MTUS1: variants seen among roughly 807,000 people sequenced by gnomAD.
MTUS1 encodes the protein microtubule associated scaffold protein 1, also known as microtubule-associated tumor suppressor 1.
Under a neutral mutation model 120.8 loss-of-function variants are expected in MTUS1, and 109 were observed. The ratio of observed to expected loss-of-function variants is 0.90; its 90% CI spans 0.77 to 1.06. The LOEUF (loss-of-function observed/expected upper bound fraction) is 1.06. Ranked by LOEUF, MTUS1 falls within the 50% of genes least tolerant of loss-of-function variation. The probability of loss-of-function intolerance (pLI) is 0.00; values close to 1 mark genes in which losing one functional copy is unlikely to be tolerated. For missense variants in MTUS1, 2,210 were observed against 1,486.3 expected, an observed-to-expected ratio of 1.49 and a Z score of -8.01; for synonymous variants, 737 against 550.5, an observed-to-expected ratio of 1.34 and a Z score of -4.74.
intron 3 of MTUS1, among the ~76,000 whole-genome samples, chr8:17,727,394 G>C (rs442342): frequency 6.6e-6 from 1 of 152,164 alleles, no homozygotes; most frequent in Non-Finnish European, 1.5e-5. Flanking sequence ...CCACAGAATA[G>C]AAACATCTCA....
chr8:17,662,529 G>C lies in MTUS1; in HGVS notation c.2906-6464C>G, dbSNP rs1809981420. Among the ~76,000 whole-genome samples the C allele has an allele frequency of 1.3e-5, 2 of 151,508 alleles. 1 individual carries two copies. Among genetic ancestry groups the C allele is most frequent in the Admixed American group, 1.3e-4 (2 of 15,196 alleles). ...CACCACCACACTTGGCTAATTTTTT[G>C]TTTTTTAGTAGAGATGGGGTTTCAC... is the stretch of plus-strand genomic sequence containing the variant. On this transcript the variant is annotated intron_variant, in intron 8 of 14. Coordinates refer to ENST00000693296, the MANE Select transcript of MTUS1 (RefSeq NM_001363059.2).
chr8:17,721,265 T>G (rs2045821564), intron 4 of MTUS1, among the ~76,000 whole-genome samples: 1 of 152,358 alleles, frequency 6.6e-6, no homozygotes, highest in East Asian at 1.9e-4. Flanking sequence ...GATGATTTTT[T>G]CATGTTTTGA....
At chr8:17,738,879 C>T (rs1045729992) in intron 3 of MTUS1, among the ~76,000 whole-genome samples, 4 of 151,842 alleles carry the variant, frequency 2.6e-5, no homozygotes, top group Non-Finnish European at 4.4e-5. Flanking sequence ...TGGTTCATGC[C>T]TGTCATCTCG....
chr8:17,644,254 T>A lies in MTUS1; in HGVS notation c.*1672A>T, dbSNP rs1805384359. On this transcript the variant is annotated 3_prime_UTR_variant, in exon 15 of 15. Coordinates refer to ENST00000693296, the MANE Select transcript of MTUS1 (RefSeq NM_001363059.2). ...GATGAAGTATTGGAAGTTAAAGACT[T>A]AAGACACAAAATCACTAATTTAAAA... 6.6e-6 allele frequency: 1 copy of A among 152,606 alleles called. No homozygotes were observed. The highest frequency in any genetic ancestry group is 1.5e-5 in the Non-Finnish European group (1 of 68,032). 9.5% of individuals were successfully genotyped at this position (152,606 alleles called of 1,614,324 possible).
chr8:17,660,720 G>T (rs541400815), intron 8 of MTUS1, among the ~76,000 whole-genome samples: 9 of 152,208 alleles, frequency 5.9e-5, no homozygotes, highest in African/African-American at 2.2e-4. Context: ...TCAAATATAT[G>T]TAACAGCCAT....
intron 2 of MTUS1, among the ~76,000 whole-genome samples, chr8:17,747,488 A>C (rs1383123846): frequency 2.0e-5 from 3 of 152,198 alleles, no homozygotes; most frequent in African/African-American, 7.2e-5. Context: ...GAGAAATTCT[A>C]GGCAGACGGG....
chr8:17,675,393 T>A (rs765383602), intron 7 of MTUS1, 141 bp from the exon 8 acceptor site: 9 of 641,748 alleles, frequency 1.4e-5, no homozygotes, highest in Admixed American at 3.1e-5. Context: ...TTTGTGTTGT[T>A]AAAAGAAACA....
chr8:17,779,184 T>C (rs73569238), intron 1 of MTUS1, among the ~76,000 whole-genome samples: 102 of 152,320 alleles, frequency 6.7e-4, no homozygotes, highest in African/African-American at 2.3e-3. Context: ...ATTACAGCAG[T>C]AGTTAACAGC....
intron 1 of MTUS1, among the ~76,000 whole-genome samples, chr8:17,764,991 G>C (rs573115553): frequency 2.8e-4 from 43 of 152,262 alleles, no homozygotes; most frequent in Admixed American, 7.2e-4. Flanking sequence ...TCATAACGTA[G>C]AATCAGTGGG....
At chr8:17,723,033 C>T (rs2045950346) in intron 4 of MTUS1, among the ~76,000 whole-genome samples, 1 of 152,200 alleles carries the variant, frequency 6.6e-6, no homozygotes, top group African/African-American at 2.4e-5. Context: ...TCCTGTGCTC[C>T]TCACTGCGCC....
intron 7 of MTUS1, chr8:17,681,758 G>A (rs145151242): frequency 6.5e-6 from 1 of 154,856 alleles, no homozygotes; most frequent in African/African-American, 2.4e-5. Context: ...AAATGATAAA[G>A]AGCCTTATAG....
chr8:17,753,267 C>T (rs951791328), intron 2 of MTUS1, among the ~76,000 whole-genome samples: 1 of 152,158 alleles, frequency 6.6e-6, no homozygotes, highest in African/African-American at 2.4e-5. Context: ...CTTCCCAGAG[C>T]TGCCTCCTCC....
chr8:17,684,663 G>A (rs1396546134), intron 6 of MTUS1, 121 bp from the exon 7 acceptor site: 2 of 762,890 alleles, frequency 2.6e-6, no homozygotes, highest in East Asian at 4.9e-5. Context: ...GTTGCTGTAA[G>A]GAATGCATAT....
At chr8:17,723,339 GC>G in intron 4 of MTUS1, 1 of 334,362 alleles carries the variant, frequency 3.0e-6, no homozygotes. Context: ...ATAGTCTTTT[GC>G]AAAGTAAATG....
At chr8:17,764,402 CAA>C (rs11400332) in intron 1 of MTUS1, among the ~76,000 whole-genome samples, 2,143 of 138,294 alleles carry the variant, frequency 0.015, 59 homozygotes, top group African/African-American at 0.054. Context: ...AAGAAAACTG[CAA>C]AAAAAAAAAA....
At chr8:17,721,660 T>TA in intron 4 of MTUS1, 1 of 1,512,134 alleles carries the variant, frequency 6.6e-7, no homozygotes, top group Non-Finnish European at 8.8e-7. Context: ...ATTTATTGAA[T>TA]AAAAATTTAA....
rs1805544840 is a variant in MTUS1 at position 17,645,218 on chromosome 8, C to T, written c.*708G>A. The stretch of plus-strand genomic sequence containing the variant: ...GACATGGCTGAACACTGAAAAACTG[C>T]CAAGAAGTTACCCCCAAAAGATACA... On this transcript the variant is annotated 3_prime_UTR_variant, in exon 15 of 15. Coordinates refer to ENST00000693296, the MANE Select transcript of MTUS1 (RefSeq NM_001363059.2). 6.6e-6 allele frequency: 1 copy of T among 152,398 alleles called. No individual in the cohort carries two copies. Among genetic ancestry groups the T allele is most frequent in the Non-Finnish European group, 1.5e-5 (1 of 67,998 alleles). 9.4% of individuals were successfully genotyped at this position (152,398 alleles called of 1,614,324 possible).
chr8:17,724,122 G>A (rs2046040098), intron 3 of MTUS1: 1 of 523,982 alleles, frequency 1.9e-6, no homozygotes, highest in Non-Finnish European at 3.6e-6. Flanking sequence ...TGAAGGAGAT[G>A]ATCAATCAGA....
At chr8:17,681,430 A>G (rs1440446906) in intron 7 of MTUS1, 1 of 152,768 alleles carries the variant, frequency 6.5e-6, no homozygotes, top group African/African-American at 2.4e-5. Context: ...TCCTAGACCT[A>G]GGTTTACGTC....
Sources: gnomAD v4.1 joint callset for allele counts (sites outside exome capture counted in the v4.1 genomes callset) on GRCh38, gnomAD v4.1.1 for gene constraint, MANE v1.5 for transcripts, NCBI Gene and HGNC (gene_info 2026-07-23, HGNC 2026-07-21) for gene names.